The following OTULINL variants were observed in gnomAD, a reference collection of about 807,000 sequenced individuals.
OTULINL encodes the protein inactive ubiquitin thioesterase OTULINL.
Under a neutral mutation model 43.9 loss-of-function variants are expected in OTULINL, and 42 were observed. The ratio of observed to expected loss-of-function variants is 0.96; its 90% confidence interval spans 0.75 to 1.24. The LOEUF (loss-of-function observed/expected upper bound fraction) is 1.24. Ranked by LOEUF, OTULINL falls within the 50% of genes most tolerant of loss-of-function variation. The pLI, the probability that OTULINL is intolerant of heterozygous loss-of-function variation, is 0.00. For synonymous variants in OTULINL, 172 were observed against 153.6 expected (o/e 1.12, Z -0.88); for missense variants, 411 against 426.4 (o/e 0.96, Z 0.32).
chr5:14,590,506 T>A (rs549410007), intron 1 of OTULINL, among the ~76,000 whole-genome samples: 1 of 152,328 alleles, frequency 6.6e-6, no homozygotes, highest in South Asian at 2.1e-4. Flanking sequence ...CTGGTCTCCC[T>A]TTAGGAGAGC....
intron 1 of OTULINL, among the ~76,000 whole-genome samples, chr5:14,582,461 A>C (rs1336864045): frequency 6.6e-6 from 1 of 151,796 alleles, no homozygotes; most frequent in Non-Finnish European, 1.5e-5. Flanking sequence ...GCGGCAGTCG[A>C]GACTTGCTAA....
chr5:14,601,878 G>C (rs913673560), intron 4 of OTULINL, among the ~76,000 whole-genome samples: 3 of 152,234 alleles, frequency 2.0e-5, no homozygotes, highest in African/African-American at 7.2e-5. Context: ...AAAAAGGGTG[G>C]AGGGAGTACA....
chr5:14,600,370 A>G (rs1198972176), intron 1 of OTULINL, among the ~76,000 whole-genome samples: 2 of 152,208 alleles, frequency 1.3e-5, no homozygotes, highest in South Asian at 2.1e-4. Flanking sequence ...AGTCTCGGGT[A>G]TGTCTTTATT....
intron 1 of OTULINL, among the ~76,000 whole-genome samples, chr5:14,597,137 G>A (rs1759301045): frequency 6.6e-6 from 1 of 152,052 alleles, no homozygotes; most frequent in African/African-American, 2.4e-5. Flanking sequence ...GCAAAATAAG[G>A]GTTACTAGAG....
chr5:14,591,806 A>G (rs1412213656), intron 1 of OTULINL, among the ~76,000 whole-genome samples: 1 of 152,248 alleles, frequency 6.6e-6, no homozygotes, highest in Admixed American at 6.5e-5. Flanking sequence ...AAACAGGGTC[A>G]GCAAGCCACA....
intron 5 of OTULINL, among the ~76,000 whole-genome samples, chr5:14,602,669 C>G (rs1034792476): frequency 1.3e-5 from 2 of 152,086 alleles, no homozygotes; most frequent in Non-Finnish European, 2.9e-5. Flanking sequence ...CTTCTGGGCT[C>G]AAGCAGTCTG....
At chr5:14,604,714 C>A (rs894989285) in intron 5 of OTULINL, among the ~76,000 whole-genome samples, 1 of 152,234 alleles carries the variant, frequency 6.6e-6, no homozygotes, top group African/African-American at 2.4e-5. Flanking sequence ...ACAGGCCATG[C>A]AAGTCCAAAA....
intron 1 of OTULINL, among the ~76,000 whole-genome samples, chr5:14,592,962 G>A (rs1024987353): frequency 2.0e-5 from 3 of 152,106 alleles, no homozygotes; most frequent in Non-Finnish European, 2.9e-5. Context: ...CTCCAACTTC[G>A]TTTAGCTCAG....
Position 14,607,369 on chromosome 5 carries a change from A to G in OTULINL, c.538A>G (p.Ile180Val). The G allele has an allele frequency of 6.2e-7, 1 of 1,614,056 alleles. No homozygotes were observed. The highest frequency in any genetic ancestry group is 1.1e-5 in the South Asian group (1 of 91,054). Residue 180 changes from isoleucine to valine, a missense_variant, in exon 6 of 8, where the codon ATT (isoleucine) becomes GTT (valine). Physicochemically the swap from Ile to Val is conservative, Grantham distance 29. Transcript: ENST00000274217. The part of the protein sequence containing the change: ...KLLFSQGCNW[I>V]QQYSFGPEKY... ...GCTGTTTTCACAAGGTTGTAATTGG[A>G]TTCAGCAGTACAGTTTTGGTCCTGA...
chr5:14,585,713 C>T (rs1357521833), intron 1 of OTULINL, among the ~76,000 whole-genome samples: 1 of 152,212 alleles, frequency 6.6e-6, no homozygotes, highest in Non-Finnish European at 1.5e-5. Context: ...ACAATCACCA[C>T]TCTGTGACGC....
rs572898844 is a variant in OTULINL, at chr5:14,594,668, C to T, written c.65-6297C>T. 2.6e-5 allele frequency among the ~76,000 whole-genome samples: 4 copies of T among 152,286 alleles called. No individual in the cohort carries two copies. In the East Asian group the frequency reaches 5.8e-4, roughly 22 times the overall value. ...AGGGAGCGGGCAGCCCTTCCCAGCC[C>T]GTCCCTGTCTGCCTGTTCCATTGGC... On this transcript the variant is annotated intron_variant, in intron 1 of 7. Coordinates refer to ENST00000274217, the MANE Select transcript of OTULINL (RefSeq NM_019018.3).
chr5:14,608,079 A>G (rs1179107902), intron 6 of OTULINL, among the ~76,000 whole-genome samples: 1 of 152,248 alleles, frequency 6.6e-6, no homozygotes, highest in Non-Finnish European at 1.5e-5. Flanking sequence ...CACTAGCACT[A>G]TTCTGTGGAA....
chr5:14,591,452 A>G (rs1759199874), intron 1 of OTULINL, among the ~76,000 whole-genome samples: 1 of 152,160 alleles, frequency 6.6e-6, no homozygotes, highest in Admixed American at 6.5e-5. Context: ...GGCAGGCCCA[A>G]GGATTCCTTC....
At chr5:14,602,094 G>C in intron 4 of OTULINL, 89 bp from the exon 5 acceptor site, 1 of 1,027,930 alleles carries the variant, frequency 9.7e-7, no homozygotes, top group East Asian at 2.8e-5. Context: ...CTTTAGTTGG[G>C]AGGAACACCT....
intron 1 of OTULINL, among the ~76,000 whole-genome samples, chr5:14,584,204 C>T (rs1403178427): frequency 2.0e-5 from 3 of 152,176 alleles, no homozygotes; most frequent in African/African-American, 7.2e-5. Context: ...GCTCTTCCCA[C>T]ATCTGGCCAG....
At chr5:14,584,934 T>C (rs1463016178) in intron 1 of OTULINL, among the ~76,000 whole-genome samples, 1 of 152,192 alleles carries the variant, frequency 6.6e-6, no homozygotes, top group African/African-American at 2.4e-5. Context: ...TGAATTTACC[T>C]GGTGGAACTT....
chr5:14,589,108 G>A (rs1452369973), intron 1 of OTULINL, among the ~76,000 whole-genome samples: 3 of 152,178 alleles, frequency 2.0e-5, no homozygotes, highest in Non-Finnish European at 4.4e-5. Context: ...CACTCAGAAA[G>A]CAGAGTGAAA....
chr5:14,605,772 A>G (rs887503594), intron 5 of OTULINL, among the ~76,000 whole-genome samples: 1 of 152,192 alleles, frequency 6.6e-6, no homozygotes, highest in East Asian at 1.9e-4. Flanking sequence ...AAACATAACA[A>G]GAGTCATCTT....
At chr5:14,610,023 TG>T in intron 7 of OTULINL, 117 bp from the exon 8 acceptor site, 1 of 781,086 alleles carries the variant, frequency 1.3e-6, no homozygotes, top group Non-Finnish European at 2.1e-6. Context: ...GGTGTATGGG[TG>T]GGTCTGTCAA....
Sources: gnomAD v4.1 joint callset for allele counts (sites outside exome capture counted in the v4.1 genomes callset) on GRCh38, gnomAD v4.1.1 for gene constraint, MANE v1.5 for transcripts, NCBI Gene and HGNC (gene_info 2026-07-23, HGNC 2026-07-21) for gene names.